The following ACACA variants were observed in gnomAD, a reference collection of about 807,000 sequenced individuals.
ACACA encodes the protein acetyl-CoA carboxylase 1.
In ACACA, 103 loss-of-function variants were observed where a neutral mutation model predicts 296.1. That is an observed-to-expected ratio of 0.35 (90% CI 0.30 to 0.41). The LOEUF (loss-of-function observed/expected upper bound fraction) is 0.41. ACACA is among the 10% of genes least tolerant of loss of function. The pLI is 1.00. For missense variants in ACACA, 1,554 were observed against 2,989.7 expected (o/e 0.52, Z 11.20); for synonymous variants, 953 against 1,038.6 (o/e 0.92, Z 1.58).
intron 3 of ACACA, among the ~76,000 whole-genome samples, chr17:37,308,684 T>A (rs1487743566): frequency 6.6e-6 from 1 of 152,208 alleles, no homozygotes; most frequent in Middle Eastern, 3.2e-3. Context: ...ACGCCTGTAA[T>A]CCCAGCACGT....
chr17:37,380,979 C>G (rs1012890709), intron 1 of ACACA, among the ~76,000 whole-genome samples: 1 of 151,714 alleles, frequency 6.6e-6, no homozygotes, highest in Non-Finnish European at 1.5e-5. Context: ...AAGTAAGTCT[C>G]TCTCCTACTC....
At chr17:37,194,397 CA>C (rs1167188840) in intron 35 of ACACA, among the ~76,000 whole-genome samples, 3 of 152,114 alleles carry the variant, frequency 2.0e-5, no homozygotes, top group Non-Finnish European at 4.4e-5. Context: ...CTGATGCTCT[CA>C]ACAACCTCTA....
At chr17:37,271,843 A>T (rs2082086351) in intron 9 of ACACA, among the ~76,000 whole-genome samples, 4 of 151,826 alleles carry the variant, frequency 2.6e-5, no homozygotes. Flanking sequence ...GTGGTACTGC[A>T]TGCCTATAAT....
At chr17:37,299,658 T>C in intron 3 of ACACA, 1 of 1,099,622 alleles carries the variant, frequency 9.1e-7, no homozygotes, top group Non-Finnish European at 1.1e-6. Flanking sequence ...CTTGTTTAAC[T>C]AGAAAGTAGA....
At chr17:37,354,602 G>A (rs1212840925) in intron 1 of ACACA, among the ~76,000 whole-genome samples, 2 of 152,072 alleles carry the variant, frequency 1.3e-5, no homozygotes, top group African/African-American at 2.4e-5. Flanking sequence ...AGATTCAAGC[G>A]AATACAGTAC....
At chr17:37,217,029 G>C (rs979957831) in intron 29 of ACACA, among the ~76,000 whole-genome samples, 1 of 151,846 alleles carries the variant, frequency 6.6e-6, no homozygotes, top group African/African-American at 2.4e-5. Context: ...TTGGGAGGCC[G>C]AGGCAGGTAG....
At chr17:37,117,789 GTT>G in intron 50 of ACACA, among the ~76,000 whole-genome samples, 1 of 147,318 alleles carries the variant, frequency 6.8e-6, no homozygotes, top group African/African-American at 2.5e-5. Flanking sequence ...GACTAGTAGA[GTT>G]TTTTTTTTTT....
Position 37,097,027 on chromosome 17 carries a change from C to T in ACACA, c.6860G>A (p.Arg2287His), listed in dbSNP as rs1188789283. Residue 2287 changes from arginine to histidine, a missense_variant, in exon 54 of 56, where the codon CGC becomes CAC. By Grantham distance (29) the Arg-to-His change is conservative (BLOSUM62 0). Transcript: ENST00000616317. The surrounding 1 kb of genome is among the most constrained non-coding windows in gnomAD (Gnocchi z 4.8). ...TDGQIQAMLR[R>H]WFVEVEGTVK... Reference sequence around the variant, plus strand: ...TGTTCCTTCCACTTCCACAAACCAGCGCCTTAACATGGCTTGAATCTGGCC... The same window carrying T: ...TGTTCCTTCCACTTCCACAAACCAGTGCCTTAACATGGCTTGAATCTGGCC... 3 of 1,614,006 alleles carry T rather than the reference C, an allele frequency of 1.9e-6. No individual in the cohort carries two copies. The highest frequency in any genetic ancestry group is 1.3e-5 in the African/African-American group (1 of 74,902).
intron 10 of ACACA, 67 bp downstream of exon 10, chr17:37,270,684 A>G: frequency 8.4e-7 from 1 of 1,193,546 alleles, no homozygotes; most frequent in Admixed American, 1.8e-5. Flanking sequence ...AAATTATAGT[A>G]TGAGTTAAAT....
Position 37,242,064 on chromosome 17 carries a change from A to G in ACACA, c.2932-11T>C, listed in dbSNP as rs1208945392. 1 of 1,610,586 alleles carries G rather than the reference A, an allele frequency of 6.2e-7. No homozygotes were observed. The highest frequency in any genetic ancestry group is 8.5e-7 in the Non-Finnish European group (1 of 1,177,128). On this transcript the variant is annotated splice_polypyrimidine_tract_variant and intron_variant, in intron 22 of 55. Coordinates refer to ENST00000616317, the MANE Select transcript of ACACA (RefSeq NM_198834.3). ...TAGGATGTTTGCAATCTAAGGTATA[A>G]AAAAGGGAAAAAAATGAGGCCCAAC...
chr17:37,279,580 A>T, intron 5 of ACACA, among the ~76,000 whole-genome samples: 1 of 151,898 alleles, frequency 6.6e-6, no homozygotes, highest in East Asian at 1.9e-4. Flanking sequence ...CCTGGGAGGC[A>T]GAGGTTGCAG....
intron 55 of ACACA, among the ~76,000 whole-genome samples, chr17:37,088,003 G>A (rs2072334881): frequency 6.6e-6 from 1 of 152,180 alleles, no homozygotes; most frequent in African/African-American, 2.4e-5. Context: ...TAATTATACG[G>A]TAGAGAAATG....
intron 50 of ACACA, among the ~76,000 whole-genome samples, chr17:37,115,471 A>G (rs1316124564): frequency 1.3e-5 from 2 of 152,244 alleles, no homozygotes; most frequent in Admixed American, 1.3e-4. Context: ...AAATAAAGCA[A>G]TAAAAGACAG....
intron 45 of ACACA, among the ~76,000 whole-genome samples, 196 bp from the exon 46 acceptor site, chr17:37,130,414 G>A (rs1038031711): frequency 2.6e-5 from 4 of 151,922 alleles, no homozygotes; most frequent in Non-Finnish European, 4.4e-5. Context: ...TGAGATTGAC[G>A]CGCTGCCAGC....
At chr17:37,122,753 C>G in intron 48 of ACACA, 126 bp from the exon 49 acceptor site, 1 of 796,802 alleles carries the variant, frequency 1.3e-6, no homozygotes, top group East Asian at 2.5e-5. Context: ...CAGGGGAAAT[C>G]TGATTCTTCT....
At chr17:37,190,405 G>T (rs2077705186) in intron 38 of ACACA, among the ~76,000 whole-genome samples, 1 of 151,912 alleles carries the variant, frequency 6.6e-6, no homozygotes, top group Admixed American at 6.6e-5. Flanking sequence ...TTCAGCCTGG[G>T]CAACAGAGCG....
chr17:37,390,940 G>T (rs780615767), intron 1 of ACACA, among the ~76,000 whole-genome samples: 1 of 151,956 alleles, frequency 6.6e-6, no homozygotes, highest in Non-Finnish European at 1.5e-5. Context: ...GCTACTAAAT[G>T]ATAAAGGAAT....
chr17:37,207,650 G>A lies in ACACA; in HGVS notation c.3851+7C>T, dbSNP rs760030617. The A allele has an allele frequency of 3.7e-6, 6 of 1,613,828 alleles. No individual in the cohort carries two copies. Among genetic ancestry groups the A allele is most frequent in the Admixed American group, 3.3e-5 (2 of 59,976 alleles). On this transcript the variant is annotated splice_region_variant and intron_variant, in intron 31 of 55. Coordinates refer to ENST00000616317, the MANE Select transcript of ACACA (RefSeq NM_198834.3). ...CCTTGTACAGACATAGTTCCACAATGTCTTACCTGACAAAATCTTCAAAAG... is the reference window on the plus strand; with the variant it reads ...CCTTGTACAGACATAGTTCCACAATATCTTACCTGACAAAATCTTCAAAAG...
chr17:37,394,745 CG>C (rs2051020724), intron 1 of ACACA, among the ~76,000 whole-genome samples: 1 of 149,990 alleles, frequency 6.7e-6, no homozygotes, highest in South Asian at 2.1e-4. Flanking sequence ...AAAAATTAGC[CG>C]GGTGTGGTGG....
Sources: gnomAD v4.1 joint callset for allele counts (sites outside exome capture counted in the v4.1 genomes callset) on GRCh38, gnomAD v4.1.1 for gene constraint, Gnocchi (gnomAD v3.1) non-coding constraint, MANE v1.5 for transcripts, NCBI Gene and HGNC (gene_info 2026-07-23, HGNC 2026-07-21) for gene names.